The following TAB2 variants were observed in gnomAD, a reference collection of about 807,000 sequenced individuals.
TAB2 encodes TGF-beta-activated kinase 1 and MAP3K7-binding protein 2.
A neutral mutation model predicts 65.0 loss-of-function variants in TAB2; 3 were observed. The ratio of observed to expected loss-of-function variants is 0.05; its 90% CI spans 0.02 to 0.12. The LOEUF is 0.12. TAB2 is among the 10% of genes least tolerant of loss of function. The pLI is 1.00. For missense variants in TAB2, 623 were observed against 840.3 expected, an observed-to-expected ratio of 0.74 and a Z score of 3.20; for synonymous variants, 298 against 285.1, an observed-to-expected ratio of 1.05 and a Z score of -0.46.
intron 1 of TAB2, among the ~76,000 whole-genome samples, chr6:149,353,902 A>G (rs750038883): frequency 1.3e-5 from 2 of 152,194 alleles, no homozygotes; most frequent in Admixed American, 6.5e-5. Context: ...GTGTGTATAC[A>G]TATGTAAAGA....
chr6:149,356,669 A>G (rs577900454), intron 1 of TAB2, among the ~76,000 whole-genome samples: 13 of 152,270 alleles, frequency 8.5e-5, no homozygotes, highest in Non-Finnish European at 1.5e-4. Context: ...CAATACTGTC[A>G]TCTTGGGGGA....
chr6:149,244,531 T>G (rs2114646174), intron 1 of TAB2: 1 of 152,288 alleles, frequency 6.6e-6, no homozygotes, highest in Non-Finnish European at 1.5e-5. Context: ...TCTGGAAATA[T>G]GAGTAATAAT....
intron 1 of TAB2, among the ~76,000 whole-genome samples, chr6:149,265,433 G>A (rs1249096123): frequency 6.6e-6 from 1 of 152,056 alleles, no homozygotes; most frequent in Non-Finnish European, 1.5e-5. Context: ...GCCTTTCTCA[G>A]CTTCCCACAA....
chr6:149,296,710 A>T (rs1778883203), intron 1 of TAB2, among the ~76,000 whole-genome samples: 1 of 152,282 alleles, frequency 6.6e-6, no homozygotes, highest in African/African-American at 2.4e-5. Flanking sequence ...GTAGGTCAGG[A>T]CTTCTTTCAT....
chr6:149,374,746 A>G (rs1297012128), intron 2 of TAB2, among the ~76,000 whole-genome samples: 1 of 152,210 alleles, frequency 6.6e-6, no homozygotes, highest in Non-Finnish European at 1.5e-5. Flanking sequence ...CAAAAATTCA[A>G]ACATGGACTT....
At chr6:149,228,075 T>A (rs1777322049) in intron 1 of TAB2, among the ~76,000 whole-genome samples, 1 of 151,956 alleles carries the variant, frequency 6.6e-6, no homozygotes, top group African/African-American at 2.4e-5. Flanking sequence ...TGATCAACAC[T>A]GCCTCAAAGC....
chr6:149,245,689 A>G (rs6935566), intron 1 of TAB2: 81,450 of 151,752 alleles, frequency 0.54, 22,073 homozygotes, highest in Admixed American at 0.66. Context: ...AGATATGGAA[A>G]CAATGCACTC....
At chr6:149,339,589 A>ATTTTTTTTTTT (rs1462448974) in intron 1 of TAB2, among the ~76,000 whole-genome samples, 4 of 31,464 alleles carry the variant, frequency 1.3e-4, no homozygotes, top group East Asian at 1.3e-3. Flanking sequence ...AATCTTTTTT[A>ATTTTTTTTTTT]TTTATTTATT....
rs139557530 is a variant in TAB2 at position 149,339,233 on chromosome 6, C to T, written c.-90+21218C>T. Among the ~76,000 whole-genome samples, 537 of 152,078 alleles carry T rather than the reference C, an allele frequency of 3.5e-3. 2 individuals are homozygous for T. The highest frequency in any genetic ancestry group is 0.027 in the Middle Eastern group (8 of 294). On this transcript the variant is annotated intron_variant, in intron 1 of 6. Transcript: ENST00000637181. ...CAAAACTTAGCTGGGTGTGGTGGCA[C>T]GCGCCTGTAGTCCCAGCTACTTGGG...
chr6:149,270,947 G>A (rs1465571764), intron 1 of TAB2, among the ~76,000 whole-genome samples: 4 of 152,140 alleles, frequency 2.6e-5, no homozygotes, highest in Non-Finnish European at 5.9e-5. Flanking sequence ...CAAAAAACTG[G>A]GTAGTCAGAG....
chr6:149,381,947 AC>A (rs770636771), intron 3 of TAB2, among the ~76,000 whole-genome samples: 1 of 152,098 alleles, frequency 6.6e-6, no homozygotes, highest in Non-Finnish European at 1.5e-5. Flanking sequence ...TATTGCAGTG[AC>A]CTACCCATTC....
At chr6:149,331,810 C>T (rs1280058689) in intron 1 of TAB2, among the ~76,000 whole-genome samples, 2 of 152,114 alleles carry the variant, frequency 1.3e-5, no homozygotes, top group African/African-American at 4.8e-5. Flanking sequence ...ATTCTTTAAG[C>T]TGGTAGCTAG....
chr6:149,307,673 G>A (rs950368127), intron 1 of TAB2, among the ~76,000 whole-genome samples: 19 of 150,328 alleles, frequency 1.3e-4, no homozygotes, highest in African/African-American at 4.2e-4. Flanking sequence ...ACCTGAGTCC[G>A]AATAATAAAA....
At chr6:149,283,538 C>G (rs527527465) in intron 1 of TAB2, among the ~76,000 whole-genome samples, 1 of 151,794 alleles carries the variant, frequency 6.6e-6, no homozygotes, top group African/African-American at 2.4e-5. Flanking sequence ...GGTGAAACCC[C>G]GTCTCTACTA....
chr6:149,271,443 C>A (rs1399850715), intron 1 of TAB2, among the ~76,000 whole-genome samples: 1 of 152,178 alleles, frequency 6.6e-6, no homozygotes, highest in African/African-American at 2.4e-5. Context: ...CTATTACCCT[C>A]GGGCCTATTG....
chr6:149,333,708 AGTGTGTGTGTGTGT>A (rs61004397), intron 1 of TAB2, among the ~76,000 whole-genome samples: 26 of 144,896 alleles, frequency 1.8e-4, no homozygotes, highest in Non-Finnish European at 2.9e-4. Flanking sequence ...CCAGATCCAT[AGTGTGTGTGTGTGT>A]GTGTGTGTGT....
intron 1 of TAB2, among the ~76,000 whole-genome samples, chr6:149,262,760 A>G (rs1778181011): frequency 6.6e-6 from 1 of 152,114 alleles, no homozygotes; most frequent in Non-Finnish European, 1.5e-5. Flanking sequence ...GAGAAACTTA[A>G]TATTTAGGAG....
At chr6:149,367,571 A>G (rs767200333) in intron 1 of TAB2, among the ~76,000 whole-genome samples, 2 of 152,168 alleles carry the variant, frequency 1.3e-5, no homozygotes, top group Non-Finnish European at 2.9e-5. Flanking sequence ...TTTCACAAAG[A>G]TCACGCCGCT....
chr6:149,377,784 A>G (rs1020989024), intron 2 of TAB2, among the ~76,000 whole-genome samples: 6 of 150,924 alleles, frequency 4.0e-5, no homozygotes, highest in Non-Finnish European at 7.4e-5. Flanking sequence ...TGTAGCTGCT[A>G]AAGTGGAACA....
Sources: gnomAD v4.1 joint callset for allele counts (sites outside exome capture counted in the v4.1 genomes callset) on GRCh38, gnomAD v4.1.1 for gene constraint, MANE v1.5 for transcripts, NCBI Gene and HGNC (gene_info 2026-07-23, HGNC 2026-07-21) for gene names.